TRIM24: variants seen among roughly 807,000 people sequenced by gnomAD.
TRIM24 encodes tripartite motif containing 24.
Under a neutral mutation model 123.9 loss-of-function variants are expected in TRIM24, and 29 were observed. The ratio of observed to expected loss-of-function variants is 0.23; its 90% CI spans 0.17 to 0.32. The LOEUF (loss-of-function observed/expected upper bound fraction) is 0.32. TRIM24 is among the 10% of genes least tolerant of loss of function. The pLI is 1.00. For missense variants in TRIM24, 932 were observed against 1,295.3 expected (o/e 0.72, Z 4.31); for synonymous variants, 456 against 461.1 (o/e 0.99, Z 0.14).
intron 1 of TRIM24, among the ~76,000 whole-genome samples, chr7:138,496,785 G>A (rs185663816): frequency 3.9e-5 from 6 of 152,108 alleles, no homozygotes; most frequent in Admixed American, 1.3e-4. Flanking sequence ...TCAGGCATGA[G>A]CCTCTGTGCC....
intron 1 of TRIM24, chr7:138,491,013 A>G (rs1795769327): frequency 8.3e-6 from 2 of 242,232 alleles, no homozygotes; most frequent in South Asian, 9.3e-5. Flanking sequence ...AGCTTCAATC[A>G]TGGTGTGCCA....
chr7:138,503,515 C>T (rs1796085947), intron 1 of TRIM24, among the ~76,000 whole-genome samples: 1 of 150,856 alleles, frequency 6.6e-6, no homozygotes, highest in African/African-American at 2.4e-5. Flanking sequence ...ATGAAATTGG[C>T]CTTTGGATTA....
chr7:138,581,385 T>G (rs1797892098), intron 16 of TRIM24, among the ~76,000 whole-genome samples: 1 of 152,194 alleles, frequency 6.6e-6, no homozygotes, highest in Non-Finnish European at 1.5e-5. Context: ...CCAGTTCTCC[T>G]AAGAGACGTA....
rs1225281852 is a variant in TRIM24 at position 138,515,198 on chromosome 7, G to T, written c.484-14G>T. On this transcript the variant is annotated splice_polypyrimidine_tract_variant and intron_variant, in intron 2 of 18. Coordinates refer to ENST00000343526, the MANE Select transcript of TRIM24 (RefSeq NM_015905.3). ...ATTTTCTCAAAAATTTACGTGCCAT[G>T]GTTCTTTTGTCAGGTATGTACAAGC... The T allele has an allele frequency of 6.3e-7, 1 of 1,596,282 alleles. No homozygotes were observed. The highest frequency in any genetic ancestry group is 8.6e-7 in the Non-Finnish European group (1 of 1,168,174).
chr7:138,574,795 C>G (rs1455554102), intron 12 of TRIM24, among the ~76,000 whole-genome samples: 1 of 152,050 alleles, frequency 6.6e-6, no homozygotes, highest in Admixed American at 6.6e-5. Context: ...GGGCAAAGTA[C>G]CTTATATGTA....
rs572241495 is a variant in TRIM24 at position 138,588,261 on chromosome 7, C to G, written c.*3310C>G. ...AGAGTGAGAAGAGGAACTCCTTTTG[C>G]TGAGCTCTGGTCCAAATTAATGTGA... On this transcript the variant is annotated 3_prime_UTR_variant, in exon 19 of 19. Transcript: ENST00000343526. The G allele has an allele frequency of 3.7e-4, 57 of 152,324 alleles. No homozygotes were observed. Among genetic ancestry groups the G allele is most frequent in the African/African-American group, 1.1e-3 (45 of 41,576 alleles). 9.4% of individuals were successfully genotyped at this position (152,324 alleles called of 1,614,324 possible).
chr7:138,479,369 T>A (rs183413701), intron 1 of TRIM24, among the ~76,000 whole-genome samples: 82 of 152,248 alleles, frequency 5.4e-4, no homozygotes, highest in African/African-American at 1.9e-3. Flanking sequence ...CCAACCTTTT[T>A]TTTTTCTTCT....
chr7:138,540,723 G>A (rs899745676), intron 7 of TRIM24, among the ~76,000 whole-genome samples: 2 of 152,162 alleles, frequency 1.3e-5, no homozygotes, highest in Non-Finnish European at 2.9e-5. Flanking sequence ...AATCACTAAG[G>A]TTCTTAATGG....
intron 1 of TRIM24, among the ~76,000 whole-genome samples, chr7:138,477,329 A>G (rs1296162909): frequency 6.6e-6 from 1 of 152,156 alleles, no homozygotes; most frequent in Non-Finnish European, 1.5e-5. Context: ...CAAAAAACAA[A>G]CAACAGAAGA....
chr7:138,487,268 A>G (rs1343964297), intron 1 of TRIM24, among the ~76,000 whole-genome samples: 1 of 152,174 alleles, frequency 6.6e-6, no homozygotes, highest in African/African-American at 2.4e-5. Context: ...TAAATATACA[A>G]TCATGTCATC....
intron 15 of TRIM24, among the ~76,000 whole-genome samples, chr7:138,580,330 C>T (rs569467005): frequency 5.1e-4 from 78 of 152,174 alleles, no homozygotes; most frequent in African/African-American, 1.9e-3. Flanking sequence ...ATATGTATCT[C>T]ACACCTTCTT....
chr7:138,583,603 G>C (rs1263749295), intron 17 of TRIM24, among the ~76,000 whole-genome samples: 8 of 152,216 alleles, frequency 5.3e-5, no homozygotes, highest in African/African-American at 1.4e-4. Context: ...CTGGGTGACA[G>C]AGCAAGACCC....
In TRIM24 at chr7:138,573,599, G is replaced by A. The variant is rs924919037; in HGVS notation, c.1971G>A (p.Thr657=). ...HGQPRPPSNR[T]VQSPNSSVPS... ...AGCCAAGACCACCCTCAAACAGAACGGTCCAGTCACCAAATTCATCAGTGC... is the reference window on the plus strand; with the variant it reads ...AGCCAAGACCACCCTCAAACAGAACAGTCCAGTCACCAAATTCATCAGTGC... Residue 657 remains threonine (T), a synonymous_variant, in exon 12 of 19, where the codon ACG becomes ACA. Transcript: ENST00000343526. 1.5e-5 allele frequency: 24 copies of A among 1,613,684 alleles called. No individual in the cohort carries two copies. Among genetic ancestry groups the A allele is most frequent in the Admixed American group, 3.3e-5 (2 of 59,964 alleles).
At chr7:138,463,989 C>CATT (rs1554429651) in intron 1 of TRIM24, among the ~76,000 whole-genome samples, 3 of 50,766 alleles carry the variant, frequency 5.9e-5, no homozygotes, top group African/African-American at 2.5e-4. Flanking sequence ...AAAATTTAGA[C>CATT]TTTTTTTTTT....
chr7:138,553,683 A>G (rs1267218496), intron 8 of TRIM24, among the ~76,000 whole-genome samples: 1 of 152,194 alleles, frequency 6.6e-6, no homozygotes, highest in Non-Finnish European at 1.5e-5. Flanking sequence ...AAGATTCAGA[A>G]ATACTTTTTG....
intron 1 of TRIM24, among the ~76,000 whole-genome samples, chr7:138,471,095 A>G (rs1218588440): frequency 6.6e-6 from 1 of 152,254 alleles, no homozygotes; most frequent in Non-Finnish European, 1.5e-5. Context: ...AAAATTAACA[A>G]GATTACTCTT....
chr7:138,501,170 A>C (rs1388570399), intron 1 of TRIM24, among the ~76,000 whole-genome samples: 1 of 152,220 alleles, frequency 6.6e-6, no homozygotes, highest in African/African-American at 2.4e-5. Flanking sequence ...ATTGCACCAC[A>C]GTATTATCAA....
intron 15 of TRIM24, among the ~76,000 whole-genome samples, chr7:138,579,765 A>C (rs1797853696): frequency 1.3e-5 from 2 of 152,110 alleles, no homozygotes; most frequent in African/African-American, 4.8e-5. Flanking sequence ...GTCTGTACAA[A>C]ATAAAAAATT....
At chr7:138,577,263 C>G (rs1797779324) in intron 13 of TRIM24, among the ~76,000 whole-genome samples, 157 bp from the exon 14 acceptor site, 1 of 151,790 alleles carries the variant, frequency 6.6e-6, no homozygotes, top group Non-Finnish European at 1.5e-5. Context: ...ATGAAACTTG[C>G]ATACACCAGT....
Sources: allele counts gnomAD v4.1 joint callset (sites outside exome capture counted in the v4.1 genomes callset), GRCh38; gene constraint gnomAD v4.1.1; transcripts MANE v1.5; gene names NCBI Gene and HGNC (gene_info 2026-07-23, HGNC 2026-07-21).